The following OSBPL11 variants were observed in gnomAD, a reference collection of about 807,000 sequenced individuals.
The protein encoded by OSBPL11 is oxysterol binding protein like 11, also known as oxysterol-binding protein-related protein 11.
A neutral mutation model predicts 84.4 loss-of-function variants in OSBPL11; 33 were observed. That is an observed-to-expected ratio of 0.39 (90% CI 0.30 to 0.52). The LOEUF (loss-of-function observed/expected upper bound fraction) is 0.52, where lower values mean the gene tolerates loss of function less well. Ranked by LOEUF, OSBPL11 falls within the 20% of genes least tolerant of loss-of-function variation. OSBPL11 has a pLI of 0.72. For synonymous variants in OSBPL11, 276 were observed against 310.2 expected, an observed-to-expected ratio of 0.89 and a Z score of 1.16; for missense variants, 736 against 901.1, an observed-to-expected ratio of 0.82 and a Z score of 2.35.
intron 8 of OSBPL11, among the ~76,000 whole-genome samples, chr3:125,554,427 G>A (rs1006106343): frequency 6.6e-6 from 1 of 152,104 alleles, no homozygotes. Context: ...TAATGATACT[G>A]ACACCAAGTC....
rs541797882 is a variant in OSBPL11, at chr3:125,571,077, T to C, written c.667-3482A>G. Among the ~76,000 whole-genome samples the C allele has an allele frequency of 1.0e-3, 158 of 152,318 alleles. 1 individual carries two copies. Among genetic ancestry groups the C allele is most frequent in the Admixed American group, 4.7e-3 (72 of 15,300 alleles). Reference sequence around the variant, plus strand: ...ATGCGGACAGCAATATGGACAATAGTGTCCAGGCTGAGGCGATCTCAGATG... The same window carrying C: ...ATGCGGACAGCAATATGGACAATAGCGTCCAGGCTGAGGCGATCTCAGATG... On this transcript the variant is annotated intron_variant, in intron 5 of 12. Coordinates refer to ENST00000296220, the MANE Select transcript of OSBPL11 (RefSeq NM_022776.5).
At chr3:125,536,812 A>G (rs1279884332) in intron 11 of OSBPL11, among the ~76,000 whole-genome samples, 1 of 152,198 alleles carries the variant, frequency 6.6e-6, no homozygotes, top group Non-Finnish European at 1.5e-5. Flanking sequence ...TTTCTTCGGT[A>G]GCCAGCACAA....
At chr3:125,586,039 C>G (rs762884241) in intron 1 of OSBPL11, among the ~76,000 whole-genome samples, 3 of 152,070 alleles carry the variant, frequency 2.0e-5, no homozygotes, top group Non-Finnish European at 2.9e-5. Context: ...GAGTTTGAGA[C>G]CAGCCTGGGC....
chr3:125,552,556 G>A lies in OSBPL11; in HGVS notation c.1279C>T (p.Arg427Cys), dbSNP rs760278333. The A allele has an allele frequency of 8.7e-6, 14 of 1,614,168 alleles. No individual in the cohort carries two copies. Among genetic ancestry groups the A allele is most frequent in the Admixed American group, 3.3e-5 (2 of 60,022 alleles). ...GAGGTAAGGTAGTACTCAACAAAGC[G>A]AATCATTCTGTCCTCAGCTGTGGCT... ...NGATAEDRMI[R>C]FVEYYLTSFH... is the part of the protein sequence containing the mutation. Residue 427 changes from arginine to cysteine, a missense_variant, in exon 9 of 13, where the codon CGC becomes TGC. Arg to Cys is a radical substitution (Grantham distance 180). Transcript: ENST00000296220.
At chr3:125,540,504 T>G (rs1935713690) in intron 10 of OSBPL11, among the ~76,000 whole-genome samples, 1 of 152,108 alleles carries the variant, frequency 6.6e-6, no homozygotes, top group Non-Finnish European at 1.5e-5. Flanking sequence ...AGTGTGAATG[T>G]TTCTTGTGAT....
At chr3:125,566,229 C>T (rs1580053460) in intron 6 of OSBPL11, among the ~76,000 whole-genome samples, 1 of 152,274 alleles carries the variant, frequency 6.6e-6, no homozygotes, top group East Asian at 1.9e-4. Flanking sequence ...TGGTCTCAAA[C>T]TCCTGACCTT....
At chr3:125,592,388 T>C (rs915876032) in intron 1 of OSBPL11, among the ~76,000 whole-genome samples, 3 of 152,040 alleles carry the variant, frequency 2.0e-5, no homozygotes, top group Non-Finnish European at 4.4e-5. Context: ...TAGAAATGGA[T>C]GGAAAAGAGG....
At chr3:125,534,951 G>GAAA (rs56164804) in intron 11 of OSBPL11, among the ~76,000 whole-genome samples, 1,473 of 64,494 alleles carry the variant, frequency 0.023, 113 homozygotes, top group Non-Finnish European at 0.027. Flanking sequence ...TAAGAAATTA[G>GAAA]AAAAAAAAAA....
intron 1 of OSBPL11, among the ~76,000 whole-genome samples, chr3:125,594,177 A>G (rs1450859971): frequency 2.0e-5 from 3 of 152,178 alleles, no homozygotes; most frequent in African/African-American, 7.2e-5. Flanking sequence ...TTTCCAAGTC[A>G]CAAATACCTT....
rs1935533179 is a variant in OSBPL11, at chr3:125,530,010, A to T, written c.*505T>A. On this transcript the variant is annotated 3_prime_UTR_variant, in exon 13 of 13. Coordinates refer to ENST00000296220, the MANE Select transcript of OSBPL11 (RefSeq NM_022776.5). ...ACCTGGTTGATTTTTTTTTTTAAAC[A>T]CTGATTTCAGGCACAATGGCTGAAT... is the stretch of plus-strand genomic sequence containing the variant. 1 of 153,410 alleles carries T rather than the reference A, an allele frequency of 6.5e-6. No individual in the cohort carries two copies. Among genetic ancestry groups the T allele is most frequent in the East Asian group, 1.9e-4 (1 of 5,216 alleles). The allele number at this position is 153,410 out of a possible 1,614,324, so 9.5% of individuals were successfully genotyped here.
In OSBPL11 at chr3:125,567,508, G is replaced by A. The variant is rs370323767; in HGVS notation, c.754C>T (p.Gln252Ter). ...PTSGHLSSLD[Q>*]DLLMLKATSM... ...GTAGCTTTGAGCATTAAGAGATCCT[G>A]GTCCAAGGAACTAAGATGGCCAGAA... is the stretch of plus-strand genomic sequence containing the variant. The change falls in exon 6 of 13, where the codon CAG becomes TAG. Residue 252 changes from glutamine to a stop codon, truncating the protein, a stop_gained. Transcript: ENST00000296220. LOFTEE classifies it high-confidence loss of function. 1.9e-6 allele frequency: 3 copies of A among 1,613,842 alleles called. No homozygotes were observed. Among genetic ancestry groups the A allele is most frequent in the Non-Finnish European group, 2.5e-6 (3 of 1,179,776 alleles).
chr3:125,578,426 A>G (rs1936364980), intron 4 of OSBPL11, among the ~76,000 whole-genome samples: 1 of 151,904 alleles, frequency 6.6e-6, no homozygotes, highest in Non-Finnish European at 1.5e-5. Flanking sequence ...TTTGTGGGAG[A>G]GATGACAATG....
intron 9 of OSBPL11, among the ~76,000 whole-genome samples, chr3:125,551,438 C>T (rs908055185): frequency 1.3e-5 from 2 of 151,706 alleles, no homozygotes; most frequent in Admixed American, 6.6e-5. Flanking sequence ...TTATTTTCTG[C>T]TTTGTACTTT....
At chr3:125,566,609 G>T (rs767194505) in intron 6 of OSBPL11, among the ~76,000 whole-genome samples, 1 of 152,010 alleles carries the variant, frequency 6.6e-6, no homozygotes, top group Non-Finnish European at 1.5e-5. Flanking sequence ...AGAGATGTAA[G>T]GTATTAAGTT....
chr3:125,585,246 T>G (rs1580064942), intron 1 of OSBPL11, among the ~76,000 whole-genome samples: 1 of 152,320 alleles, frequency 6.6e-6, no homozygotes, highest in East Asian at 1.9e-4. Context: ...TTTTTCTGCC[T>G]CTGCCTGCCA....
At chr3:125,566,004 CGTTATT>C (rs2107602124) in intron 6 of OSBPL11, among the ~76,000 whole-genome samples, 1 of 152,144 alleles carries the variant, frequency 6.6e-6, no homozygotes, top group East Asian at 1.9e-4. Flanking sequence ...GCACCCTACA[CGTTATT>C]ATTATTATTT....
intron 5 of OSBPL11, among the ~76,000 whole-genome samples, chr3:125,569,843 A>G (rs1315650217): frequency 6.6e-6 from 1 of 152,256 alleles, no homozygotes; most frequent in East Asian, 1.9e-4. Context: ...ATATGATTCC[A>G]GTTTTAGAAG....
intron 5 of OSBPL11, among the ~76,000 whole-genome samples, chr3:125,575,093 C>G (rs1358786036): frequency 6.6e-6 from 1 of 152,092 alleles, no homozygotes; most frequent in Non-Finnish European, 1.5e-5. Flanking sequence ...AATTTTCATC[C>G]TGTAGTTCAA....
In OSBPL11 at chr3:125,530,970, AT is replaced by A. The variant is rs201829522; in HGVS notation, c.2179-391del. On this transcript the variant is annotated intron_variant, in intron 12 of 12. Transcript: ENST00000296220. ...TGTCTCCACTGGCACCCCAGAACTC[AT>A]TTTTTTTCTTTCCTTTTTTTTTTCC... Among the ~76,000 whole-genome samples, 889 of 137,214 alleles carry A rather than the reference AT, an allele frequency of 6.5e-3. 10 individuals are homozygous for A. Among genetic ancestry groups the A allele is most frequent in the African/African-American group, 0.026 (849 of 32,846 alleles). 90.0% of individuals were successfully genotyped at this position (137,214 alleles called of 152,430 possible). A position where few individuals can be genotyped will look rare whatever the true frequency, so the allele number is the denominator to read the frequency against.
Sources: allele counts gnomAD v4.1 joint callset (sites outside exome capture counted in the v4.1 genomes callset), GRCh38; gene constraint gnomAD v4.1.1; transcripts MANE v1.5; gene names NCBI Gene and HGNC (gene_info 2026-07-23, HGNC 2026-07-21).